PSMA8: variants seen among roughly 807,000 people sequenced by gnomAD.
PSMA8 encodes the protein proteasome subunit alpha-type 8.
PSMA8 carries 18 observed loss-of-function variants against 32.4 expected under a neutral mutation model. The ratio of observed to expected loss-of-function variants is 0.56; its 90% CI spans 0.38 to 0.82. The LOEUF (loss-of-function observed/expected upper bound fraction) is 0.82. Ranked by LOEUF, PSMA8 falls within the 40% of genes least tolerant of loss-of-function variation. The probability of loss-of-function intolerance (pLI) is 0.00; values close to 1 mark genes in which losing one functional copy is unlikely to be tolerated. For synonymous variants in PSMA8, 104 were observed against 98.1 expected (o/e 1.06, Z -0.36); for missense variants, 298 against 300.7 (o/e 0.99, Z 0.07).
intron 4 of PSMA8, among the ~76,000 whole-genome samples, chr18:26,158,777 T>A (rs1259165902): frequency 6.6e-6 from 1 of 152,212 alleles, no homozygotes; most frequent in African/African-American, 2.4e-5. Flanking sequence ...ACTACAGTAA[T>A]GACTTTGTTT....
chr18:26,138,718 G>A (rs567363823), intron 1 of PSMA8, among the ~76,000 whole-genome samples: 1 of 152,314 alleles, frequency 6.6e-6, no homozygotes, highest in African/African-American at 2.4e-5. Flanking sequence ...TAGTCTAGAT[G>A]AAAGATGATA....
chr18:26,145,267 C>G (rs1346697184), intron 2 of PSMA8, among the ~76,000 whole-genome samples: 1 of 152,092 alleles, frequency 6.6e-6, no homozygotes, highest in Non-Finnish European at 1.5e-5. Context: ...TACAGGCATG[C>G]ATCACCACAC....
At chr18:26,176,829 A>G (rs2055267651) in intron 4 of PSMA8, among the ~76,000 whole-genome samples, 1 of 152,140 alleles carries the variant, frequency 6.6e-6, no homozygotes, top group Non-Finnish European at 1.5e-5. Context: ...GCTACTCGGG[A>G]GGCTGAGGCA....
chr18:26,160,534 GT>G (rs1437565172), intron 4 of PSMA8, among the ~76,000 whole-genome samples: 4 of 152,208 alleles, frequency 2.6e-5, no homozygotes, highest in Middle Eastern at 3.4e-3. Context: ...ATGAGATCAA[GT>G]TTTTCTTTTT....
chr18:26,192,115 A>G (rs773838010), intron 6 of PSMA8, among the ~76,000 whole-genome samples: 8 of 152,320 alleles, frequency 5.3e-5, no homozygotes, highest in Non-Finnish European at 1.2e-4. Flanking sequence ...GCACAGTGAT[A>G]GTAGAAATGT....
At chr18:26,170,855 T>G in intron 4 of PSMA8, 1 of 1,559,426 alleles carries the variant, frequency 6.4e-7, no homozygotes, top group Non-Finnish European at 8.5e-7. Context: ...ACGTGTCACT[T>G]TCAAAGTCTT....
At chr18:26,177,102 T>C (rs928811575) in intron 4 of PSMA8, among the ~76,000 whole-genome samples, 2 of 152,190 alleles carry the variant, frequency 1.3e-5, no homozygotes, top group Non-Finnish European at 2.9e-5. Flanking sequence ...GGCTTGTTGA[T>C]TCAGACCACG....
intron 4 of PSMA8, among the ~76,000 whole-genome samples, chr18:26,175,500 G>A (rs1305334850): frequency 2.0e-5 from 3 of 152,182 alleles, no homozygotes; most frequent in African/African-American, 7.2e-5. Context: ...TCGTCACTGA[G>A]TCAGTGTAGG....
chr18:26,157,472 G>A (rs546728373), intron 3 of PSMA8, among the ~76,000 whole-genome samples: 3 of 152,060 alleles, frequency 2.0e-5, no homozygotes, highest in East Asian at 3.9e-4. Flanking sequence ...GTCTCAGTGT[G>A]AATTCTACTC....
In PSMA8 at chr18:26,154,826, A is replaced by G. The variant is rs552533700; in HGVS notation, c.354+2844A>G. Among the ~76,000 whole-genome samples the G allele has an allele frequency of 7.9e-5, 12 of 152,232 alleles. No homozygotes were observed. In the East Asian group the frequency reaches 2.3e-3, roughly 30 times the overall value. On this transcript the variant is annotated intron_variant, in intron 3 of 6. Coordinates refer to ENST00000415576, the MANE Select transcript of PSMA8 (RefSeq NM_001025096.2). ...GAGACGGAGTTTCACCATGTTGGCC[A>G]GGATGGTCTCGATTTCCTGACCTCG...
At chr18:26,141,751 A>G (rs1223275657) in intron 1 of PSMA8, among the ~76,000 whole-genome samples, 2 of 126,044 alleles carry the variant, frequency 1.6e-5, no homozygotes, top group African/African-American at 6.3e-5. Flanking sequence ...AGGCAGTGGC[A>G]TGATCATGGT....
Position 26,151,959 on chromosome 18 carries a change from C to G in PSMA8, c.331C>G (p.Arg111Gly), listed in dbSNP as rs770758475. The G allele has an allele frequency of 6.3e-7, 1 of 1,598,172 alleles. No homozygotes were observed. Among genetic ancestry groups the G allele is most frequent in the Non-Finnish European group, 8.5e-7 (1 of 1,175,544 alleles). Reference protein sequence around the residue: ...EDPVTVEYITRFIATLKQKYT... With the variant: ...EDPVTVEYITGFIATLKQKYT... ...CCCAGTCACTGTAGAATACATAACT[C>G]GCTTCATAGCAACTTTAAAGCAGGT... The change falls in exon 3 of 7, where the codon CGC becomes GGC. Residue 111 changes from arginine (R) to glycine (G), a missense_variant. Physicochemically the swap from Arg to Gly is moderately radical, Grantham distance 125. Transcript: ENST00000415576.
chr18:26,180,246 A>C (rs1016036360), intron 6 of PSMA8, among the ~76,000 whole-genome samples: 1 of 152,066 alleles, frequency 6.6e-6, no homozygotes, highest in African/African-American at 2.4e-5. Flanking sequence ...ACTCCATCTC[A>C]AAAAAAATTA....
chr18:26,178,620 G>A (rs927802057), intron 4 of PSMA8, among the ~76,000 whole-genome samples: 4 of 152,100 alleles, frequency 2.6e-5, no homozygotes, highest in Admixed American at 2.6e-4. Flanking sequence ...ACAAAAAAAG[G>A]AAAATAAAAA....
intron 1 of PSMA8, among the ~76,000 whole-genome samples, chr18:26,134,885 C>G (rs889646712): frequency 3.3e-5 from 5 of 151,522 alleles, no homozygotes; most frequent in Non-Finnish European, 7.4e-5. Flanking sequence ...ACCTGGGAGG[C>G]AGAGGTTGCG....
At chr18:26,137,899 A>C (rs1363649472) in intron 1 of PSMA8, among the ~76,000 whole-genome samples, 3 of 152,202 alleles carry the variant, frequency 2.0e-5, no homozygotes, top group African/African-American at 7.2e-5. Context: ...CATCTGAAAG[A>C]TGAGGGGCTG....
chr18:26,156,295 C>T (rs147247059), intron 3 of PSMA8, among the ~76,000 whole-genome samples: 22 of 152,284 alleles, frequency 1.4e-4, no homozygotes, highest in African/African-American at 3.8e-4. Flanking sequence ...CCCACAATCC[C>T]ACTACTGGTT....
intron 4 of PSMA8, among the ~76,000 whole-genome samples, chr18:26,166,309 T>C (rs2055179616): frequency 6.6e-6 from 1 of 151,018 alleles, no homozygotes; most frequent in Non-Finnish European, 1.5e-5. Flanking sequence ...ATTTTCCTAA[T>C]AATACTGAGA....
chr18:26,147,381 G>A (rs1003826658), intron 2 of PSMA8, among the ~76,000 whole-genome samples: 8 of 151,668 alleles, frequency 5.3e-5, no homozygotes, highest in Admixed American at 3.3e-4. Flanking sequence ...AAATCACAAG[G>A]GAAATGAACA....
Sources: allele counts gnomAD v4.1 joint callset (sites outside exome capture counted in the v4.1 genomes callset), GRCh38; gene constraint gnomAD v4.1.1; transcripts MANE v1.5; gene names NCBI Gene and HGNC (gene_info 2026-07-23, HGNC 2026-07-21).